Variants in TTC3 observed in about 807,000 individuals in gnomAD.
TTC3 encodes tetratricopeptide repeat domain 3.
Under a neutral mutation model 249.6 loss-of-function variants are expected in TTC3, and 180 were observed. The ratio of observed to expected loss-of-function variants is 0.72; its 90% CI spans 0.64 to 0.82. The LOEUF is 0.82. TTC3 is among the 40% of genes least tolerant of loss of function. The pLI is 0.00. For missense variants in TTC3, 2,061 were observed against 2,398.4 expected, an observed-to-expected ratio of 0.86 and a Z score of 2.94; for synonymous variants, 717 against 805.0, an observed-to-expected ratio of 0.89 and a Z score of 1.85.
intron 1 of TTC3, chr21:37,082,509 G>A (rs2071836898): frequency 5.1e-6 from 5 of 985,196 alleles, no homozygotes; most frequent in Non-Finnish European, 4.8e-6. Context: ...AGAAAGTTTA[G>A]CTGGCATCAC....
chr21:37,146,326 C>T (rs2078977875), intron 21 of TTC3, among the ~76,000 whole-genome samples: 1 of 152,000 alleles, frequency 6.6e-6, no homozygotes, highest in Admixed American at 6.6e-5. Context: ...CTCAGGAGTT[C>T]AAGACCAGCC....
intron 1 of TTC3, chr21:37,082,543 C>T: frequency 1.0e-6 from 1 of 985,354 alleles, no homozygotes; most frequent in South Asian, 4.7e-5. Context: ...CATTTTGCTT[C>T]TGGCCCAGGG....
At chr21:37,152,379 G>GTTTTT in intron 26 of TTC3, among the ~76,000 whole-genome samples, 1 of 139,296 alleles carries the variant, frequency 7.2e-6, no homozygotes, top group Non-Finnish European at 1.5e-5. Context: ...GAACTAAGTT[G>GTTTTT]TTTTTTTTTT....
intron 13 of TTC3, 136 bp from the exon 14 acceptor site, chr21:37,124,483 C>T: frequency 1.2e-6 from 1 of 838,358 alleles, no homozygotes; most frequent in South Asian, 1.6e-5. Context: ...TATAAAGCCC[C>T]ATCTCACAGG....
chr21:37,173,498 A>C (rs2081984360), intron 35 of TTC3, among the ~76,000 whole-genome samples: 1 of 152,340 alleles, frequency 6.6e-6, no homozygotes, highest in East Asian at 1.9e-4. Flanking sequence ...AGATTGAATT[A>C]GTGAGAAAAT....
chr21:37,190,627 A>G (rs1327336960), intron 39 of TTC3, among the ~76,000 whole-genome samples: 1 of 152,214 alleles, frequency 6.6e-6, no homozygotes, highest in Non-Finnish European at 1.5e-5. Context: ...GACTCATTTC[A>G]TCTAATAGTA....
At chr21:37,126,262 T>TAAG in intron 15 of TTC3, 119 bp downstream of exon 15, 1 of 668,094 alleles carries the variant, frequency 1.5e-6, no homozygotes, top group South Asian at 2.8e-5. Flanking sequence ...TACTTTATAA[T>TAAG]GCTTCTATGT....
rs140448629 is a variant in TTC3 at position 37,106,017 on chromosome 21, T to C, written c.846-2375T>C. 1.5e-3 allele frequency among the ~76,000 whole-genome samples: 224 copies of C among 152,336 alleles called. 2 individuals are homozygous for C. Among genetic ancestry groups the C allele is most frequent in the African/African-American group, 4.9e-3 (205 of 41,580 alleles). On this transcript the variant is annotated intron_variant, in intron 10 of 45. Transcript: ENST00000355666. Reference sequence around the variant, plus strand: ...TGCATTTAGCTTTCCTGTGTGATTGTATCATTTTGTACTCTTACAGCAGCA... The same window carrying C: ...TGCATTTAGCTTTCCTGTGTGATTGCATCATTTTGTACTCTTACAGCAGCA...
chr21:37,175,490 G>A lies in TTC3; in HGVS notation c.4617+2746G>A, dbSNP rs558481015. On this transcript the variant is annotated intron_variant, in intron 35 of 45. Transcript: ENST00000355666. ...TGGGCGCCTGTAATCCCAGCTACTCGGGAGGCTGAGGTGGGAGAATCAGTT... is the reference window on the plus strand; with the variant it reads ...TGGGCGCCTGTAATCCCAGCTACTCAGGAGGCTGAGGTGGGAGAATCAGTT... Among the ~76,000 whole-genome samples, 217 of 149,900 alleles carry A rather than the reference G, an allele frequency of 1.4e-3. 1 individual carries two copies. Among genetic ancestry groups the A allele is most frequent in the African/African-American group, 4.9e-3 (199 of 40,822 alleles).
chr21:37,074,251 G>C (rs2070493025), intron 1 of TTC3, among the ~76,000 whole-genome samples: 1 of 152,232 alleles, frequency 6.6e-6, no homozygotes, highest in Admixed American at 6.5e-5. Flanking sequence ...GGGTGGACAG[G>C]ATCGAGTCTG....
chr21:37,109,651 C>T (rs1007767300), intron 11 of TTC3, among the ~76,000 whole-genome samples: 5 of 152,232 alleles, frequency 3.3e-5, no homozygotes, highest in East Asian at 1.9e-4. Flanking sequence ...CACAGACAAA[C>T]AAAAGACAGC....
At chr21:37,133,807 G>C (rs908731790) in intron 17 of TTC3, among the ~76,000 whole-genome samples, 7 of 152,340 alleles carry the variant, frequency 4.6e-5, no homozygotes, top group Admixed American at 1.3e-4. Flanking sequence ...AGCTCCTCAG[G>C]AGGCTGAGGT....
chr21:37,135,460 C>T (rs775374472), exon 18 of TTC3: 8 of 1,613,872 alleles, frequency 5.0e-6, no homozygotes, highest in Admixed American at 1.7e-5. Flanking sequence ...GTTGCCGCAG[C>T]GCTGCACAGG....
At chr21:37,107,253 A>G (rs149265185) in intron 10 of TTC3, among the ~76,000 whole-genome samples, 46 of 152,354 alleles carry the variant, frequency 3.0e-4, no homozygotes, top group African/African-American at 1.1e-3. Context: ...TGGATAAGTC[A>G]GTGAGTTGGG....
At chr21:37,132,146 G>A (rs771753083) in intron 16 of TTC3, among the ~76,000 whole-genome samples, 1 of 152,052 alleles carries the variant, frequency 6.6e-6, no homozygotes, top group Non-Finnish European at 1.5e-5. Flanking sequence ...TGTTTATTGA[G>A]ATTGCATTGG....
chr21:37,117,321 A>AT (rs1412929904), intron 11 of TTC3, among the ~76,000 whole-genome samples: 2 of 152,096 alleles, frequency 1.3e-5, no homozygotes, highest in Non-Finnish European at 2.9e-5. Context: ...AGGTAGAGTG[A>AT]TTTTTGCAAG....
exon 17 of TTC3, chr21:37,132,687 G>T: frequency 6.3e-7 from 1 of 1,593,458 alleles, no homozygotes; most frequent in Non-Finnish European, 8.5e-7. Context: ...TTTAGTTCTA[G>T]TTCACCATTG....
exon 27 of TTC3, chr21:37,153,160 C>T (rs371394788): frequency 3.1e-5 from 50 of 1,613,936 alleles, no homozygotes; most frequent in Middle Eastern, 3.3e-4. Context: ...CTATGTTATT[C>T]GCCACTTGAT....
chr21:37,082,766 C>T (rs867386512), intron 1 of TTC3: 3 of 984,850 alleles, frequency 3.0e-6, no homozygotes, highest in Middle Eastern at 1.0e-3. Context: ...GTACATTCCC[C>T]CAGAGTGTAT....
Sources: gnomAD v4.1 joint callset for allele counts (sites outside exome capture counted in the v4.1 genomes callset) on GRCh38, gnomAD v4.1.1 for gene constraint, MANE v1.5 for transcripts, NCBI Gene and HGNC (gene_info 2026-07-23, HGNC 2026-07-21) for gene names.